The following MED14 variants were observed in gnomAD, a reference collection of about 807,000 sequenced individuals.
MED14 encodes the protein mediator of RNA polymerase II transcription subunit 14.
In MED14, 8 loss-of-function variants were observed where a neutral mutation model predicts 109.0. The observed-to-expected ratio is 0.07, with a 90% CI of 0.04 to 0.13. MED14 has a LOEUF of 0.13. MED14 is among the 10% of genes least tolerant of loss of function. MED14 has a pLI of 1.00. For synonymous variants in MED14, 399 were observed against 408.7 expected (o/e 0.98, Z 0.29); for missense variants, 711 against 1,142.4 (o/e 0.62, Z 5.44).
intron 16 of MED14, among the ~76,000 whole-genome samples, chrX:40,686,209 A>G (rs777122951): frequency 6.2e-4 from 70 of 112,087 alleles, no homozygotes; most frequent in Non-Finnish European, 1.1e-3. Context: ...TATAAAATGA[A>G]GCTAAAAAAT....
rs776446293 is a variant in MED14, at chrX:40,679,234, G to GATTA, written c.2880+626_2880+629dup. ...TTTTAAATGCATCAGGCCAGGCACA[G>GATTA]ATTACATCACGCCTGTAATCCCAGC... On this transcript the variant is annotated intron_variant, in intron 21 of 30. Coordinates refer to ENST00000324817, the MANE Select transcript of MED14 (RefSeq NM_004229.4). 6.9e-3 allele frequency among the ~76,000 whole-genome samples: 777 copies of GATTA among 111,901 alleles called. 7 individuals are homozygous for GATTA. Among genetic ancestry groups the GATTA allele is most frequent in the African/African-American group, 0.023 (721 of 30,791 alleles).
chrX:40,658,227 A>G (rs982716600), intron 28 of MED14, among the ~76,000 whole-genome samples: 5 of 110,218 alleles, frequency 4.5e-5, no homozygotes. Context: ...AGTAGCTGGG[A>G]CTACAGGCTG....
chrX:40,718,669 A>C (rs771467856), intron 3 of MED14, among the ~76,000 whole-genome samples: 1 of 110,868 alleles, frequency 9.0e-6, no homozygotes, highest in African/African-American at 3.3e-5. Flanking sequence ...CCCCATCTCT[A>C]TAAAAACTTT....
Position 40,650,744 on chromosome X carries a change from T to G in MED14, c.*1062A>C, listed in dbSNP as rs1928839457. 2 of 754,201 alleles carry G rather than the reference T, an allele frequency of 2.7e-6. No individual in the cohort carries two copies. Among genetic ancestry groups the G allele is most frequent in the Non-Finnish European group, 3.1e-6 (2 of 639,029 alleles). The allele number at this position is 754,201 out of a possible 1,213,427, so 62.2% of individuals were successfully genotyped here. A position where few individuals can be genotyped will look rare whatever the true frequency, so the allele number is the denominator to read the frequency against. The stretch of plus-strand genomic sequence containing the variant: ...TCTTCCAAGCAAAACATTCTATCGT[T>G]TTGTTGACAATGAATTAAATTGAAA... On this transcript the variant is annotated 3_prime_UTR_variant, in exon 31 of 31. Transcript: ENST00000324817.
At chrX:40,674,505 G>A (rs1474133674) in intron 22 of MED14, among the ~76,000 whole-genome samples, 4 of 112,111 alleles carry the variant, frequency 3.6e-5, no homozygotes, top group East Asian at 5.6e-4. Context: ...GAGCTATTTC[G>A]TAAACCAAAA....
intron 26 of MED14, among the ~76,000 whole-genome samples, chrX:40,660,020 G>C (rs1441766067): frequency 8.9e-6 from 1 of 112,147 alleles, no homozygotes; most frequent in African/African-American, 3.2e-5. Flanking sequence ...TTTCGGTTCT[G>C]ATTCAAAGTG....
At position 40,654,961 on chromosome X, in the gene MED14, CCA is replaced by C; in HGVS notation, c.4070_4071del (p.Val1357GlyfsTer25). 8.3e-7 allele frequency: 1 copy of C among 1,210,413 alleles called. No individual in the cohort carries two copies. The highest frequency in any genetic ancestry group is 1.1e-6 in the Non-Finnish European group (1 of 894,683). ...PPIAPPGTPA[V>X]VLKSKMLFFL... is the part of the protein sequence containing the mutation. ...AAAAATAGCATTTTGGATTTCAGCA[CCA>C]CAGCAGGCGTCCCAGGAGGTGCAAT... On this transcript the variant is annotated frameshift_variant, in exon 29 of 31. Coordinates refer to ENST00000324817, the MANE Select transcript of MED14 (RefSeq NM_004229.4). LOFTEE classifies it high-confidence loss of function.
rs767967892 is a variant in MED14 at position 40,664,344 on chromosome X, C to G, written c.3411G>C (p.Pro1137=). The part of the protein sequence containing the change: ...MSPANPSLHS[P]VPDASHSPRA... ...GAGGGGAATGAGAAGCATCTGGAACCGGAGAATGTAGTGAGGGGTTGGCTG... is the reference window on the plus strand; with the variant it reads ...GAGGGGAATGAGAAGCATCTGGAACGGGAGAATGTAGTGAGGGGTTGGCTG... The change falls in exon 25 of 31, where the codon CCG becomes CCC. Residue 1137 remains proline (P), a synonymous_variant. Coordinates refer to ENST00000324817, the MANE Select transcript of MED14 (RefSeq NM_004229.4). 1.7e-6 allele frequency: 2 copies of G among 1,202,413 alleles called. No homozygotes were observed. Among genetic ancestry groups the G allele is most frequent in the Non-Finnish European group, 2.2e-6 (2 of 892,605 alleles).
intron 13 of MED14, 60 bp from the exon 14 acceptor site, chrX:40,692,962 C>T (rs1464016827): frequency 5.8e-6 from 5 of 858,183 alleles, no homozygotes; most frequent in South Asian, 7.4e-5. Flanking sequence ...TATTTTCCTC[C>T]GTACATCATC....
chrX:40,680,887 G>T lies in MED14; in HGVS notation c.2481C>A (p.Ile827=). Residue 827 remains isoleucine (I), a synonymous_variant, in exon 20 of 31, where the codon ATC becomes ATA. Transcript: ENST00000324817. Reference sequence around the variant, plus strand: ...CCAAAGAAATGTGGAATTTTTGATGGATCGAATTCCATTGGATACTAATCT... The same window carrying T: ...CCAAAGAAATGTGGAATTTTTGATGTATCGAATTCCATTGGATACTAATCT... The part of the protein sequence containing the change: ...GSSISIQWNS[I]HQKFHISLGT... 8.4e-7 allele frequency: 1 copy of T among 1,186,150 alleles called. No individual in the cohort carries two copies. The highest frequency in any genetic ancestry group is 1.1e-6 in the Non-Finnish European group (1 of 874,892).
At chrX:40,687,027 C>T (rs978645321) in intron 16 of MED14, among the ~76,000 whole-genome samples, 2 of 111,533 alleles carry the variant, frequency 1.8e-5, no homozygotes, top group African/African-American at 3.3e-5. Context: ...ATTTACTACC[C>T]CAGCTCAATT....
intron 23 of MED14, among the ~76,000 whole-genome samples, chrX:40,670,797 G>A (rs956445905): frequency 1.8e-5 from 2 of 110,898 alleles, no homozygotes; most frequent in Non-Finnish European, 3.8e-5. Context: ...AAAAATAAAG[G>A]AGAACAGTAT....
intron 7 of MED14, 100 bp from the exon 8 acceptor site, chrX:40,711,401 G>A (rs1286285695): frequency 3.0e-6 from 2 of 656,437 alleles, no homozygotes; most frequent in Non-Finnish European, 4.3e-6. Context: ...AAAACCTGGA[G>A]AAAAATTTCT....
At chrX:40,684,775 T>C (rs1480069580) in intron 16 of MED14, among the ~76,000 whole-genome samples, 5 of 112,453 alleles carry the variant, frequency 4.4e-5, no homozygotes, top group Non-Finnish European at 9.4e-5. Flanking sequence ...GAAGCCAGCA[T>C]GTGTTCAAGT....
At position 40,649,735 on chromosome X, in the gene MED14, G is replaced by A. The variant is rs1457994462; in HGVS notation, c.*2071C>T. On this transcript the variant is annotated 3_prime_UTR_variant, in exon 31 of 31. Transcript: ENST00000324817. Reference sequence around the variant, plus strand: ...GAAACTTACTATTCAAATGCTAAATGTTTTCAAGCTTTAATAAGGTATATA... The same window carrying A: ...GAAACTTACTATTCAAATGCTAAATATTTTCAAGCTTTAATAAGGTATATA... The A allele has an allele frequency of 1.2e-6, 1 of 866,652 alleles. No individual in the cohort carries two copies. The highest frequency in any genetic ancestry group is 1.4e-6 in the Non-Finnish European group (1 of 702,997). 71.4% of individuals were successfully genotyped at this position (866,652 alleles called of 1,213,427 possible).
At chrX:40,669,355 G>A (rs149155003) in intron 23 of MED14, among the ~76,000 whole-genome samples, 5,432 of 111,356 alleles carry the variant, frequency 0.049, 123 homozygotes, top group Non-Finnish European at 0.071. Flanking sequence ...CTCCCTAGCT[G>A]CTACTTCCCC....
chrX:40,731,225 G>A (rs185047955), intron 1 of MED14, among the ~76,000 whole-genome samples: 1 of 109,736 alleles, frequency 9.1e-6, no homozygotes, highest in East Asian at 2.9e-4. Context: ...TGTATGTTGA[G>A]GGGGAAGGGA....
At chrX:40,687,025 C>T (rs976927759) in intron 16 of MED14, among the ~76,000 whole-genome samples, 1 of 111,570 alleles carries the variant, frequency 9.0e-6, no homozygotes, top group Admixed American at 9.5e-5. Flanking sequence ...TAATTTACTA[C>T]CCCAGCTCAA....
intron 6 of MED14, among the ~76,000 whole-genome samples, chrX:40,712,528 T>G (rs1931372250): frequency 9.0e-6 from 1 of 111,599 alleles, no homozygotes; most frequent in South Asian, 3.7e-4. Flanking sequence ...TTTATTATTT[T>G]GCAGGAATAT....
Sources: allele counts gnomAD v4.1 joint callset (sites outside exome capture counted in the v4.1 genomes callset), GRCh38; gene constraint gnomAD v4.1.1; transcripts MANE v1.5; gene names NCBI Gene and HGNC (gene_info 2026-07-23, HGNC 2026-07-21).